The following CBX1 variants were observed in gnomAD, a reference collection of about 807,000 sequenced individuals.
CBX1 encodes the protein chromobox 1, also known as chromobox protein homolog 1.
In CBX1, 10 loss-of-function variants were observed where a neutral mutation model predicts 25.1. The observed-to-expected ratio is 0.40, with a 90% CI of 0.25 to 0.68. The LOEUF is 0.68. CBX1 is among the 30% of genes least tolerant of loss of function. The pLI is 0.40. For missense variants in CBX1, 106 were observed against 218.5 expected (o/e 0.49, Z 3.25); for synonymous variants, 63 against 79.4 (o/e 0.79, Z 1.10).
chr17:48,087,339 G>C (rs2063317990), intron 1 of CBX1, among the ~76,000 whole-genome samples: 1 of 152,016 alleles, frequency 6.6e-6, no homozygotes, highest in Non-Finnish European at 1.5e-5. Context: ...CACTTTGGGA[G>C]GCGAGGTGGG....
At chr17:48,074,017 T>A (rs1475460917) in intron 4 of CBX1, among the ~76,000 whole-genome samples, 2 of 152,072 alleles carry the variant, frequency 1.3e-5, no homozygotes, top group East Asian at 3.9e-4. Context: ...CTCTTATAGG[T>A]TAACAATAAA....
intron 3 of CBX1, 86 bp from the exon 4 acceptor site, chr17:48,075,186 A>C (rs1486348026): frequency 2.2e-6 from 2 of 894,206 alleles, no homozygotes; most frequent in Admixed American, 4.4e-5. Flanking sequence ...TGATTAATGT[A>C]ATCACAAACT....
chr17:48,095,044 C>A (rs1483528749), intron 1 of CBX1, among the ~76,000 whole-genome samples: 2 of 150,430 alleles, frequency 1.3e-5, no homozygotes, highest in African/African-American at 2.4e-5. Context: ...AAGACTCTGC[C>A]TCAAAAAAAA....
At chr17:48,077,866 T>C (rs2037693068) in intron 1 of CBX1, among the ~76,000 whole-genome samples, 1 of 152,054 alleles carries the variant, frequency 6.6e-6, no homozygotes. Flanking sequence ...TTGCATTAAA[T>C]TGAAAGGCTG....
At chr17:48,094,691 G>A (rs868129608) in intron 1 of CBX1, among the ~76,000 whole-genome samples, 15 of 150,296 alleles carry the variant, frequency 1.0e-4, no homozygotes, top group African/African-American at 2.7e-4. Context: ...CTGAGATCGC[G>A]CCACTGCACT....
intron 1 of CBX1, among the ~76,000 whole-genome samples, chr17:48,095,028 C>T (rs905391767): frequency 4.0e-5 from 6 of 150,904 alleles, no homozygotes; most frequent in Non-Finnish European, 7.4e-5. Context: ...GCCTCAGTGA[C>T]AGAGCAAGAC....
chr17:48,101,223 C>T, intron 1 of CBX1, 45 bp downstream of exon 1: 1 of 990,440 alleles, frequency 1.0e-6, no homozygotes, highest in Non-Finnish European at 1.2e-6. Context: ...GCCGCCGCCG[C>T]CGCGCCCCCT....
chr17:48,080,102 G>A (rs907135144), intron 1 of CBX1, among the ~76,000 whole-genome samples: 1 of 152,010 alleles, frequency 6.6e-6, no homozygotes, highest in African/African-American at 2.4e-5. Context: ...CAGTGCAATG[G>A]TGCTATCTCG....
chr17:48,076,258 A>AC (rs1372161115), intron 2 of CBX1, 80 bp from the exon 3 acceptor site: 2 of 1,106,048 alleles, frequency 1.8e-6, no homozygotes, highest in Non-Finnish European at 2.4e-6. Flanking sequence ...AGAGGACAAG[A>AC]CCTCAGATGT....
At position 48,070,276 on chromosome 17, in the gene CBX1, G is replaced by A. The variant is rs560764459; in HGVS notation, c.*1159C>T. On this transcript the variant is annotated 3_prime_UTR_variant, in exon 5 of 5. Transcript: ENST00000225603. ...TTAGGATTTCTTAAAAAATTGTTTTGTGTGTGTATGTGTGTGTTTTAAAGT... is the reference window on the plus strand; with the variant it reads ...TTAGGATTTCTTAAAAAATTGTTTTATGTGTGTATGTGTGTGTTTTAAAGT... 1 of 152,720 alleles carries A rather than the reference G, an allele frequency of 6.5e-6. No homozygotes were observed. The highest frequency in any genetic ancestry group is 3.4e-3 in the Middle Eastern group (1 of 294). 9.5% of individuals were successfully genotyped at this position (152,720 alleles called of 1,614,324 possible). A position where few individuals can be genotyped will look rare whatever the true frequency, so the allele number is the denominator to read the frequency against.
At chr17:48,094,123 A>AG in intron 1 of CBX1, among the ~76,000 whole-genome samples, 1 of 149,066 alleles carries the variant, frequency 6.7e-6, no homozygotes, top group East Asian at 2.0e-4. Flanking sequence ...TCAAAAAAAA[A>AG]AAAAAAAAAA....
chr17:48,085,575 C>A (rs920967652), intron 1 of CBX1, among the ~76,000 whole-genome samples: 11 of 142,032 alleles, frequency 7.7e-5, no homozygotes, highest in Non-Finnish European at 7.7e-5. Flanking sequence ...AAAAAAAAAA[C>A]AATGATTTTT....
chr17:48,097,274 C>T (rs2063380874), intron 1 of CBX1, among the ~76,000 whole-genome samples: 1 of 149,438 alleles, frequency 6.7e-6, no homozygotes, highest in African/African-American at 2.5e-5. Flanking sequence ...AAAAAAAACG[C>T]CACCACATTG....
chr17:48,071,872 C>T (rs1567762503), intron 4 of CBX1, among the ~76,000 whole-genome samples: 1 of 150,506 alleles, frequency 6.6e-6, no homozygotes, highest in Non-Finnish European at 1.5e-5. Flanking sequence ...GCATGACTCT[C>T]TAGATTCTCT....
intron 1 of CBX1, among the ~76,000 whole-genome samples, chr17:48,098,077 C>T (rs916448383): frequency 1.3e-5 from 2 of 152,002 alleles, no homozygotes; most frequent in Non-Finnish European, 2.9e-5. Flanking sequence ...CCATTCTGGG[C>T]AACAGAGACT....
chr17:48,080,099 A>G (rs1202775097), intron 1 of CBX1, among the ~76,000 whole-genome samples: 2 of 151,956 alleles, frequency 1.3e-5, no homozygotes, highest in South Asian at 2.1e-4. Flanking sequence ...CTGCAGTGCA[A>G]TGGTGCTATC....
chr17:48,083,613 A>G (rs1016333921), intron 1 of CBX1, among the ~76,000 whole-genome samples: 1 of 150,414 alleles, frequency 6.6e-6, no homozygotes, highest in Non-Finnish European at 1.5e-5. Context: ...ACTTGAGGTC[A>G]GGAGTTCGAG....
chr17:48,093,831 G>A (rs906394136), intron 1 of CBX1, among the ~76,000 whole-genome samples: 2 of 152,044 alleles, frequency 1.3e-5, no homozygotes, highest in Admixed American at 6.6e-5. Flanking sequence ...TAAGAAGTGT[G>A]GGCTTAGGCC....
intron 1 of CBX1, among the ~76,000 whole-genome samples, chr17:48,093,262 G>A (rs1285934947): frequency 1.1e-4 from 16 of 147,696 alleles, no homozygotes; most frequent in East Asian, 5.9e-4. Context: ...GCAATAGAGC[G>A]AGACTCTGTC....
Sources: gnomAD v4.1 joint callset for allele counts (sites outside exome capture counted in the v4.1 genomes callset) on GRCh38, gnomAD v4.1.1 for gene constraint, MANE v1.5 for transcripts, NCBI Gene and HGNC (gene_info 2026-07-23, HGNC 2026-07-21) for gene names.